The following TNIK variants were observed in gnomAD, a reference collection of about 807,000 sequenced individuals.
The protein encoded by TNIK is TRAF2 and NCK-interacting protein kinase.
Under a neutral mutation model 191.3 loss-of-function variants are expected in TNIK, and 49 were observed. The ratio of observed to expected loss-of-function variants is 0.26; its 90% CI spans 0.20 to 0.32. TNIK has a LOEUF of 0.32. Ranked by LOEUF, TNIK falls within the 10% of genes least tolerant of loss-of-function variation. TNIK has a pLI of 1.00. For synonymous variants in TNIK, 594 were observed against 600.9 expected, an observed-to-expected ratio of 0.99 and a Z score of 0.17; for missense variants, 1,155 against 1,702.3, an observed-to-expected ratio of 0.68 and a Z score of 5.66.
intron 1 of TNIK, among the ~76,000 whole-genome samples, chr3:171,390,364 T>A (rs953993713): frequency 2.0e-5 from 3 of 152,136 alleles, no homozygotes; most frequent in Non-Finnish European, 4.4e-5. Context: ...GGACTGAAAG[T>A]AGAAAATAAA....
At chr3:171,211,855 AAAG>A (rs1215144282) in intron 3 of TNIK, among the ~76,000 whole-genome samples, 1 of 152,164 alleles carries the variant, frequency 6.6e-6, no homozygotes, top group Non-Finnish European at 1.5e-5. Flanking sequence ...GAGGATGTAA[AAAG>A]AGACAACTCT....
At chr3:171,133,585 C>T (rs1377404726) in intron 15 of TNIK, among the ~76,000 whole-genome samples, 5 of 152,308 alleles carry the variant, frequency 3.3e-5, no homozygotes, top group Admixed American at 6.5e-5. Flanking sequence ...GCAGGAGACA[C>T]GCCCTAGGTC....
chr3:171,264,393 T>C (rs767252255), intron 2 of TNIK, among the ~76,000 whole-genome samples: 2 of 152,076 alleles, frequency 1.3e-5, no homozygotes, highest in Non-Finnish European at 1.5e-5. Flanking sequence ...TTGGTCTTGT[T>C]GCACAGGCTG....
intron 2 of TNIK, among the ~76,000 whole-genome samples, chr3:171,238,425 A>C (rs1005241695): frequency 1.3e-5 from 2 of 152,044 alleles, no homozygotes; most frequent in Non-Finnish European, 1.5e-5. Context: ...TTTTAATCCC[A>C]AAAAATGTAA....
chr3:171,144,004 G>T (rs145900927), intron 12 of TNIK, among the ~76,000 whole-genome samples: 45 of 152,244 alleles, frequency 3.0e-4, no homozygotes, highest in Non-Finnish European at 4.6e-4. Context: ...TGGAAAAAAA[G>T]GGAAAGGGGA....
chr3:171,234,450 G>T (rs1363174413), intron 2 of TNIK, among the ~76,000 whole-genome samples: 1 of 152,184 alleles, frequency 6.6e-6, no homozygotes, highest in Non-Finnish European at 1.5e-5. Context: ...ACTCAGGATG[G>T]TGCCCAAGCA....
chr3:171,245,555 T>C (rs1248058054), intron 2 of TNIK, among the ~76,000 whole-genome samples: 1 of 150,664 alleles, frequency 6.6e-6, no homozygotes, highest in Non-Finnish European at 1.5e-5. Context: ...CTTTTTAAGA[T>C]ACTTTAACAA....
At chr3:171,387,075 T>C (rs1302193560) in intron 1 of TNIK, among the ~76,000 whole-genome samples, 2 of 152,222 alleles carry the variant, frequency 1.3e-5, no homozygotes, top group African/African-American at 4.8e-5. Flanking sequence ...AAGCTGAGCA[T>C]GTTTGCTTTG....
chr3:171,082,234 T>C lies in TNIK; in HGVS notation c.3313+17A>G. 2 of 1,609,762 alleles carry C rather than the reference T, an allele frequency of 1.2e-6. No homozygotes were observed. Among genetic ancestry groups the C allele is most frequent in the Non-Finnish European group, 1.7e-6 (2 of 1,177,910 alleles). ...CCGCTGTATGGACCTGGGGGACTCATCATCTTAGTAACATACCTGAAATTG... is the reference window on the plus strand; with the variant it reads ...CCGCTGTATGGACCTGGGGGACTCACCATCTTAGTAACATACCTGAAATTG... On this transcript the variant is annotated intron_variant, in intron 27 of 32. Transcript: ENST00000436636.
At chr3:171,369,752 A>T in intron 1 of TNIK, 67 bp from the exon 2 acceptor site, 1 of 1,296,228 alleles carries the variant, frequency 7.7e-7, no homozygotes, top group Non-Finnish European at 1.1e-6. Context: ...AATCAAAAGC[A>T]AATACTTATT....
chr3:171,101,300 C>T (rs1723515037), intron 22 of TNIK, 149 bp downstream of exon 22: 6 of 808,704 alleles, frequency 7.4e-6, no homozygotes, highest in Admixed American at 2.7e-5. Context: ...AATTATAGAA[C>T]TATGCTCCAA....
intron 24 of TNIK, among the ~76,000 whole-genome samples, chr3:171,085,800 T>C (rs922480806): frequency 6.6e-6 from 1 of 152,190 alleles, no homozygotes; most frequent in African/African-American, 2.4e-5. Flanking sequence ...GATATTTCCT[T>C]CCCACGATAG....
At chr3:171,146,652 G>T (rs979630257) in intron 12 of TNIK, among the ~76,000 whole-genome samples, 1 of 152,204 alleles carries the variant, frequency 6.6e-6, no homozygotes, top group Non-Finnish European at 1.5e-5. Flanking sequence ...CACTCTGGGA[G>T]GCCAAGGCGA....
intron 9 of TNIK, 29 bp downstream of exon 9, chr3:171,175,223 A>G: frequency 3.7e-6 from 6 of 1,600,972 alleles, no homozygotes; most frequent in Non-Finnish European, 5.1e-6. Context: ...TCACCCTTAG[A>G]TCTGCGAAAC....
intron 1 of TNIK, among the ~76,000 whole-genome samples, chr3:171,427,114 G>A (rs771279632): frequency 2.0e-5 from 3 of 151,956 alleles, no homozygotes; most frequent in Non-Finnish European, 4.4e-5. Context: ...ATTCTAGCTG[G>A]GCCGTAAACA....
At position 171,161,291 on chromosome 3, in the gene TNIK, T is replaced by G. The variant is rs1345932014; in HGVS notation, c.995A>C (p.Glu332Ala). 1 of 1,613,284 alleles carries G rather than the reference T, an allele frequency of 6.2e-7. No individual in the cohort carries two copies. Among genetic ancestry groups the G allele is most frequent in the Non-Finnish European group, 8.5e-7 (1 of 1,179,434 alleles). The part of the protein sequence containing the change: ...EYSGSEEEEE[E>A]NDSGEPSSIL... ...ATACCTGGGCTCTCCTGAGTCATTC[T>G]CCTCCTCTTCTTCCTCACTTCCACT... is the stretch of plus-strand genomic sequence containing the variant. Residue 332 changes from glutamate (E) to alanine (A), a missense_variant, in exon 11 of 33, where the codon GAG becomes GCG. This residue lies in a region of TNIK where 225 missense variants were observed against 438.9 expected (regional missense o/e 0.51). Transcript: ENST00000436636.
chr3:171,433,936 C>G (rs1263937556), intron 1 of TNIK, among the ~76,000 whole-genome samples: 1 of 112,118 alleles, frequency 8.9e-6, no homozygotes, highest in Non-Finnish European at 1.9e-5. Context: ...TTTTCTTTTT[C>G]CTTTTTTTTT....
chr3:171,436,307 C>A (rs974334980), intron 1 of TNIK, among the ~76,000 whole-genome samples: 32 of 152,302 alleles, frequency 2.1e-4, no homozygotes, highest in African/African-American at 6.7e-4. Flanking sequence ...GCTTGCACTG[C>A]ACCAGATTCA....
intron 12 of TNIK, among the ~76,000 whole-genome samples, chr3:171,148,832 T>TAC: frequency 6.6e-6 from 1 of 152,232 alleles, no homozygotes; most frequent in Non-Finnish European, 1.5e-5. Flanking sequence ...AACGAAAAGA[T>TAC]AACTTTTCCA....
Sources: allele counts gnomAD v4.1 joint callset (sites outside exome capture counted in the v4.1 genomes callset), GRCh38; gene constraint gnomAD v4.1.1; regional missense constraint gnomAD v4.1.1; transcripts MANE v1.5; gene names NCBI Gene and HGNC (gene_info 2026-07-23, HGNC 2026-07-21).